Variants in FGD6 observed in about 807,000 individuals in gnomAD.
FGD6 encodes the protein FYVE, RhoGEF and PH domain containing 6, also known as FYVE, RhoGEF and PH domain-containing protein 6.
A neutral mutation model predicts 149.4 loss-of-function variants in FGD6; 90 were observed. That is an observed-to-expected ratio of 0.60 (90% CI 0.51 to 0.72). FGD6 has a LOEUF of 0.72. Ranked by LOEUF, FGD6 falls within the 30% of genes least tolerant of loss-of-function variation. The pLI, the probability that FGD6 is intolerant of heterozygous loss-of-function variation, is 0.00. For missense variants in FGD6, 1,437 were observed against 1,684.8 expected, an observed-to-expected ratio of 0.85 and a Z score of 2.57; for synonymous variants, 527 against 584.0, an observed-to-expected ratio of 0.90 and a Z score of 1.41.
chr12:95,117,367 A>T (rs1033879218), intron 8 of FGD6, among the ~76,000 whole-genome samples: 4 of 152,190 alleles, frequency 2.6e-5, no homozygotes, highest in African/African-American at 7.2e-5. Context: ...GAGTAGCAAA[A>T]AATTAACTGG....
chr12:95,174,458 C>T (rs1178020436), intron 2 of FGD6, among the ~76,000 whole-genome samples: 1 of 152,126 alleles, frequency 6.6e-6, no homozygotes, highest in Non-Finnish European at 1.5e-5. Context: ...AAAACACACG[C>T]TCAGGCCACC....
At chr12:95,158,027 T>C (rs931348868) in intron 3 of FGD6, among the ~76,000 whole-genome samples, 1 of 152,038 alleles carries the variant, frequency 6.6e-6, no homozygotes. Flanking sequence ...TTTGTATTTT[T>C]AGTAGAGATT....
At position 95,087,412 on chromosome 12, in the gene FGD6, A is replaced by G. The variant is rs569951535; in HGVS notation, c.3979-1504T>C. Among the ~76,000 whole-genome samples the G allele has an allele frequency of 5.3e-5, 8 of 152,216 alleles. No individual in the cohort carries two copies. In the East Asian group the frequency reaches 1.4e-3, roughly 26 times the overall value. ...ATATGGCCCTGTCTTGTTAGGAGAC[A>G]CTCTAGAAACTTTCTTCCTTGCTGG... is the stretch of plus-strand genomic sequence containing the variant. On this transcript the variant is annotated intron_variant, in intron 18 of 20. Transcript: ENST00000343958.
intron 8 of FGD6, among the ~76,000 whole-genome samples, chr12:95,125,103 TA>T (rs563713539): frequency 1.5e-3 from 229 of 151,970 alleles, no homozygotes; most frequent in Middle Eastern, 3.4e-3. Context: ...ATTCAGCACT[TA>T]AAAAAAATTA....
At chr12:95,206,940 T>C (rs981308771) in intron 2 of FGD6, among the ~76,000 whole-genome samples, 6 of 151,736 alleles carry the variant, frequency 4.0e-5, no homozygotes, top group Admixed American at 3.3e-4. Context: ...TAATTTACTT[T>C]ACTTGGTACG....
chr12:95,199,101 T>C (rs967181442), intron 2 of FGD6, among the ~76,000 whole-genome samples: 3 of 152,190 alleles, frequency 2.0e-5, no homozygotes, highest in African/African-American at 7.2e-5. Flanking sequence ...ACAACTAAGA[T>C]CACTTTCGTC....
intron 3 of FGD6, among the ~76,000 whole-genome samples, chr12:95,154,377 A>G (rs962355450): frequency 6.6e-6 from 1 of 152,218 alleles, no homozygotes; most frequent in Non-Finnish European, 1.5e-5. Context: ...AGGTCTCAGT[A>G]TTTAGGTGAA....
At chr12:95,187,663 CAAAA>C (rs994279044) in intron 2 of FGD6, among the ~76,000 whole-genome samples, 2 of 137,244 alleles carry the variant, frequency 1.5e-5, no homozygotes, top group Non-Finnish European at 3.2e-5. Flanking sequence ...AAAAAAAAAA[CAAAA>C]AAAAAAAAGT....
At chr12:95,141,265 T>C in intron 6 of FGD6, 123 bp downstream of exon 6, 2 of 1,049,910 alleles carry the variant, frequency 1.9e-6, no homozygotes, top group Non-Finnish European at 2.8e-6. Context: ...TATGGATAAC[T>C]GCAAAGACAA....
intron 2 of FGD6, 36 bp downstream of exon 2, chr12:95,208,807 T>A: frequency 6.3e-7 from 1 of 1,576,272 alleles, no homozygotes; most frequent in South Asian, 1.2e-5. Context: ...TTAATTGCAA[T>A]GATGCATGCA....
Position 95,095,811 on chromosome 12 carries a change from C to T in FGD6, c.3498-1117G>A, listed in dbSNP as rs1041576560. 2.0e-5 allele frequency among the ~76,000 whole-genome samples: 3 copies of T among 152,118 alleles called. 1 individual carries two copies. Among genetic ancestry groups the T allele is most frequent in the African/African-American group, 7.2e-5 (3 of 41,530 alleles). ...GGTGGATCATTTGAGCTCAGGAGTT[C>T]GAGACCAGCATGGCCAACATGGTGA... On this transcript the variant is annotated intron_variant, in intron 14 of 20. Transcript: ENST00000343958.
intron 8 of FGD6, among the ~76,000 whole-genome samples, chr12:95,119,864 G>A (rs1879136007): frequency 6.6e-6 from 1 of 152,166 alleles, no homozygotes; most frequent in South Asian, 2.1e-4. Flanking sequence ...AGGTTGCAGT[G>A]AGCCAAGATT....
chr12:95,117,310 T>A (rs1292608577), intron 8 of FGD6, among the ~76,000 whole-genome samples: 3 of 152,184 alleles, frequency 2.0e-5, no homozygotes, highest in Non-Finnish European at 4.4e-5. Context: ...CCAGGTGGCA[T>A]CACTGATTAA....
chr12:95,084,742 A>G (rs1877803230), intron 19 of FGD6, 96 bp from the exon 20 acceptor site: 2 of 978,066 alleles, frequency 2.0e-6, no homozygotes, highest in African/African-American at 1.7e-5. Context: ...TTTAATTTCA[A>G]TTATTCACAT....
In FGD6 at chr12:95,171,498, A is replaced by C. The variant is rs114461064; in HGVS notation, c.2586+1102T>G. Among the ~76,000 whole-genome samples the C allele has an allele frequency of 4.8e-3, 726 of 152,270 alleles. 5 individuals carry two copies. The highest frequency in any genetic ancestry group is 0.013 in the African/African-American group (534 of 41,558). On this transcript the variant is annotated intron_variant, in intron 3 of 20. Transcript: ENST00000343958. ...AATATATTCATGCCAAACTAGAGAG[A>C]CATTATAATGAACCCCTGCATCATG...
At chr12:95,100,993 C>T (rs7135574) in intron 14 of FGD6, 254,211 of 349,924 alleles carry the variant, frequency 0.73, 92,920 homozygotes, top group Middle Eastern at 0.78. Context: ...TATCTCTCTC[C>T]AGCTGACAGC....
chr12:95,216,090 T>G lies in FGD6; in HGVS notation c.16+1135A>C, dbSNP rs1372280875. Reference sequence around the variant, plus strand: ...AAGGAAAGACCCACACAACACCCACTTCTTGCTTTCTTTTCCTATTGGCTA... The same window carrying G: ...AAGGAAAGACCCACACAACACCCACGTCTTGCTTTCTTTTCCTATTGGCTA... On this transcript the variant is annotated intron_variant, in intron 1 of 20. Transcript: ENST00000343958. Among the ~76,000 whole-genome samples, 4 of 152,234 alleles carry G rather than the reference T, an allele frequency of 2.6e-5. No homozygotes were observed. The East Asian group carries it at 7.7e-4, about 29-fold the overall frequency.
Position 95,077,614 on chromosome 12 carries a change from C to T in FGD6, c.*3906G>A, listed in dbSNP as rs901968650. On this transcript the variant is annotated 3_prime_UTR_variant, in exon 21 of 21. Transcript: ENST00000343958. ...TATGTTGTTGGAAGACTGCTCTGGC[C>T]GTGTTTAAAATGGGATCACACAACG... The T allele has an allele frequency of 3.9e-5, 6 of 152,092 alleles. No homozygotes were observed. The highest frequency in any genetic ancestry group is 3.8e-4 in the East Asian group (2 of 5,204). 9.4% of individuals were successfully genotyped at this position (152,092 alleles called of 1,614,324 possible).
At chr12:95,096,259 G>A (rs1388549964) in intron 14 of FGD6, among the ~76,000 whole-genome samples, 5 of 152,002 alleles carry the variant, frequency 3.3e-5, no homozygotes, top group Non-Finnish European at 7.4e-5. Flanking sequence ...CTGTATTTTA[G>A]AGAACCCAGG....
Sources: allele counts gnomAD v4.1 joint callset (sites outside exome capture counted in the v4.1 genomes callset), GRCh38; gene constraint gnomAD v4.1.1; transcripts MANE v1.5; gene names NCBI Gene and HGNC (gene_info 2026-07-23, HGNC 2026-07-21).